Variants in AGMO observed in about 807,000 individuals in gnomAD.
AGMO encodes alkylglycerol monooxygenase.
A neutral mutation model predicts 60.2 loss-of-function variants in AGMO; 75 were observed. The observed-to-expected ratio is 1.25, with a 90% CI of 1.03 to 1.51. The LOEUF (loss-of-function observed/expected upper bound fraction) is 1.51, where lower values mean the gene tolerates loss of function less well. Ranked by LOEUF, AGMO falls within the 40% of genes most tolerant of loss-of-function variation. The pLI is 0.00. For missense variants in AGMO, 763 were observed against 525.5 expected, an observed-to-expected ratio of 1.45 and a Z score of -4.42; for synonymous variants, 261 against 177.1, an observed-to-expected ratio of 1.47 and a Z score of -3.76.
chr7:15,423,466 C>A (rs1780979146), intron 4 of AGMO, among the ~76,000 whole-genome samples: 1 of 115,278 alleles, frequency 8.7e-6, no homozygotes, highest in African/African-American at 3.0e-5. Context: ...CTTTTTACCC[C>A]ATTCCACCAT....
chr7:15,542,016 A>G (rs567627389), intron 3 of AGMO, among the ~76,000 whole-genome samples: 165 of 152,304 alleles, frequency 1.1e-3, no homozygotes, highest in Non-Finnish European at 1.6e-3. Context: ...TCAGTTAAAT[A>G]AATCTGACCA....
intron 12 of AGMO, among the ~76,000 whole-genome samples, chr7:15,224,795 G>C (rs924676566): frequency 2.0e-5 from 3 of 151,908 alleles, no homozygotes; most frequent in Non-Finnish European, 4.4e-5. Context: ...CCATGAATAG[G>C]AGCAAAGCAA....
At chr7:15,139,049 C>T in the AGMO span, among the ~76,000 whole-genome samples, 1 of 152,118 alleles carries the variant, frequency 6.6e-6, no homozygotes, top group Non-Finnish European at 1.5e-5. Flanking sequence ...TCTGTGTCTT[C>T]CTATCTGCTC....
intron 3 of AGMO, among the ~76,000 whole-genome samples, chr7:15,493,250 T>G (rs571000476): frequency 6.6e-6 from 1 of 151,890 alleles, no homozygotes; most frequent in African/African-American, 2.4e-5. Flanking sequence ...TTTTTGCGTT[T>G]TGTCCATATG....
intron 12 of AGMO, among the ~76,000 whole-genome samples, chr7:15,205,264 G>C (rs548153844): frequency 3.3e-5 from 5 of 152,250 alleles, no homozygotes; most frequent in African/African-American, 1.2e-4. Context: ...ATTACAACTA[G>C]CTAGGGATCT....
chr7:15,537,861 C>T lies in AGMO; in HGVS notation c.409+6911G>A, dbSNP rs181421438. ...GAATATGCTATTTCTCCGAGAAAGG[C>T]CCCTCAAATCAGGCATTTTGAGGGG... is the stretch of plus-strand genomic sequence containing the variant. On this transcript the variant is annotated intron_variant, in intron 3 of 12. Coordinates refer to ENST00000342526, the MANE Select transcript of AGMO (RefSeq NM_001004320.2). Among the ~76,000 whole-genome samples the T allele has an allele frequency of 2.6e-5, 4 of 152,068 alleles. No homozygotes were observed. In the East Asian group the frequency reaches 7.8e-4, roughly 29 times the overall value.
the AGMO span, among the ~76,000 whole-genome samples, chr7:15,190,487 C>T: frequency 6.6e-6 from 1 of 151,710 alleles, no homozygotes; most frequent in Admixed American, 6.6e-5. Flanking sequence ...ATGGAAGTAA[C>T]AGAATAAAAT....
At chr7:15,347,268 C>T (rs908149938) in intron 12 of AGMO, among the ~76,000 whole-genome samples, 2 of 152,164 alleles carry the variant, frequency 1.3e-5, no homozygotes, top group African/African-American at 4.8e-5. Context: ...TCTTCACTAA[C>T]CGTGTAACTG....
chr7:15,333,631 A>G (rs1031108268), intron 12 of AGMO, among the ~76,000 whole-genome samples: 1 of 151,390 alleles, frequency 6.6e-6, no homozygotes, highest in African/African-American at 2.4e-5. Flanking sequence ...AAGAAAAAAA[A>G]TAAAAAGAAT....
chr7:15,470,256 AAG>A (rs1782415230), intron 3 of AGMO, among the ~76,000 whole-genome samples: 1 of 152,054 alleles, frequency 6.6e-6, no homozygotes, highest in Non-Finnish European at 1.5e-5. Context: ...CCATTGTAGG[AAG>A]AGTTTCTGGT....
At chr7:15,553,967 G>A (rs1193388744) in intron 2 of AGMO, among the ~76,000 whole-genome samples, 1 of 152,180 alleles carries the variant, frequency 6.6e-6, no homozygotes. Context: ...GAAGCTGTGG[G>A]AGTTATATTC....
At chr7:15,244,652 T>C (rs573162503) in intron 12 of AGMO, among the ~76,000 whole-genome samples, 1 of 152,242 alleles carries the variant, frequency 6.6e-6, no homozygotes, top group African/African-American at 2.4e-5. Flanking sequence ...TTTGTTTGTT[T>C]GTTTTGTTTT....
At chr7:15,498,035 G>A (rs905684773) in intron 3 of AGMO, among the ~76,000 whole-genome samples, 2 of 151,538 alleles carry the variant, frequency 1.3e-5, no homozygotes, top group Middle Eastern at 6.4e-3. Flanking sequence ...CAACACACAC[G>A]ATAATTAGCT....
chr7:15,548,185 C>A (rs1192109144), intron 2 of AGMO, among the ~76,000 whole-genome samples: 1 of 152,086 alleles, frequency 6.6e-6, no homozygotes, highest in Non-Finnish European at 1.5e-5. Flanking sequence ...TCATCAAAGA[C>A]CAAAAGTAGA....
the AGMO span, among the ~76,000 whole-genome samples, chr7:15,190,127 TTA>T: frequency 6.5e-4 from 1 of 1,530 alleles, no homozygotes; most frequent in Non-Finnish European, 1.3e-3. Flanking sequence ...ATATATATAT[TTA>T]TATATATATA....
chr7:15,387,648 A>AAC (rs1783971801), intron 8 of AGMO, 108 bp from the exon 9 acceptor site: 1 of 868,386 alleles, frequency 1.2e-6, no homozygotes, highest in South Asian at 1.9e-5. Context: ...ACGTATTTAA[A>AAC]ACGTTATGCC....
chr7:15,293,631 G>T (rs578175031), intron 12 of AGMO, among the ~76,000 whole-genome samples: 17 of 152,248 alleles, frequency 1.1e-4, no homozygotes, highest in African/African-American at 3.1e-4. Flanking sequence ...TCACACCAAT[G>T]ATTAAATTCG....
chr7:15,263,180 C>A (rs1307774483), intron 12 of AGMO, among the ~76,000 whole-genome samples: 1 of 151,792 alleles, frequency 6.6e-6, no homozygotes. Flanking sequence ...AATCCATACA[C>A]CTGACAAAGA....
intron 12 of AGMO, among the ~76,000 whole-genome samples, chr7:15,231,209 G>A (rs986983339): frequency 2.0e-5 from 3 of 152,086 alleles, no homozygotes; most frequent in African/African-American, 7.2e-5. Context: ...TTCTAGTAGG[G>A]CAAATGGAAG....
Sources: allele counts gnomAD v4.1 joint callset (sites outside exome capture counted in the v4.1 genomes callset), GRCh38; gene constraint gnomAD v4.1.1; transcripts MANE v1.5; gene names NCBI Gene and HGNC (gene_info 2026-07-23, HGNC 2026-07-21).